Variants in KLF8 observed in about 807,000 individuals in gnomAD.
KLF8 encodes KLF transcription factor 8.
KLF8 carries 10 observed loss-of-function variants against 18.2 expected under a neutral mutation model. The observed-to-expected ratio is 0.55, with a 90% CI of 0.34 to 0.93. The LOEUF is 0.93. Ranked by LOEUF, KLF8 falls within the 40% of genes least tolerant of loss-of-function variation. KLF8 has a pLI of 0.02. For synonymous variants in KLF8, 109 were observed against 97.3 expected, an observed-to-expected ratio of 1.12 and a Z score of -0.71; for missense variants, 264 against 277.9, an observed-to-expected ratio of 0.95 and a Z score of 0.36.
chrX:56,156,926 C>T, the KLF8 span, among the ~76,000 whole-genome samples: 1 of 109,391 alleles, frequency 9.1e-6, no homozygotes, highest in Admixed American at 9.9e-5. Context: ...TATAAAGACA[C>T]ATGCTCATGT....
At chrX:55,938,667 G>C in the KLF8 span, among the ~76,000 whole-genome samples, 1 of 110,847 alleles carries the variant, frequency 9.0e-6, no homozygotes, top group Non-Finnish European at 1.9e-5. Context: ...TCAAAATAAA[G>C]GGATGGAGGA....
At chrX:56,274,502 G>T (rs2067096787) in intron 5 of KLF8, among the ~76,000 whole-genome samples, 1 of 111,626 alleles carries the variant, frequency 9.0e-6, no homozygotes. Flanking sequence ...CTGTGCAGAA[G>T]ATTTTTTTAA....
At chrX:56,208,148 A>C in the KLF8 span, among the ~76,000 whole-genome samples, 1 of 111,579 alleles carries the variant, frequency 9.0e-6, no homozygotes, top group Admixed American at 9.5e-5. Flanking sequence ...TACAATTCAA[A>C]GTGAGATTTG....
the KLF8 span, among the ~76,000 whole-genome samples, chrX:56,026,720 C>A: frequency 8.9e-6 from 1 of 111,874 alleles, no homozygotes; most frequent in Non-Finnish European, 1.9e-5. Context: ...CAATCCATAG[C>A]GGCAGTCCAA....
At chrX:56,072,573 G>A in the KLF8 span, among the ~76,000 whole-genome samples, 4 of 111,426 alleles carry the variant, frequency 3.6e-5, no homozygotes, top group Non-Finnish European at 5.7e-5. Context: ...ATATATTTAC[G>A]CTTTTATCTT....
At chrX:56,209,189 C>T in the KLF8 span, among the ~76,000 whole-genome samples, 1 of 111,464 alleles carries the variant, frequency 9.0e-6, no homozygotes, top group Non-Finnish European at 1.9e-5. Flanking sequence ...TGAATTGACC[C>T]CTTTATCATT....
the KLF8 span, among the ~76,000 whole-genome samples, chrX:56,002,175 G>C: frequency 8.9e-6 from 1 of 112,112 alleles, no homozygotes; most frequent in South Asian, 3.7e-4. Context: ...CCTCAAAGTA[G>C]TTGGATATTT....
At chrX:56,208,280 A>G in the KLF8 span, among the ~76,000 whole-genome samples, 4 of 112,012 alleles carry the variant, frequency 3.6e-5, no homozygotes, top group African/African-American at 9.7e-5. Context: ...ATTTGCTCAT[A>G]ATAGCCACTA....
chrX:56,269,029 T>A, intron 3 of KLF8: 1 of 879,952 alleles, frequency 1.1e-6, no homozygotes, highest in Non-Finnish European at 1.4e-6. Flanking sequence ...CACACACACG[T>A]TGAAACTAAC....
the KLF8 span, among the ~76,000 whole-genome samples, chrX:56,184,454 A>G: frequency 8.9e-6 from 1 of 112,603 alleles, no homozygotes; most frequent in Non-Finnish European, 1.9e-5. Context: ...AGGCACAGAC[A>G]AACAAAAAGA....
At position 56,290,206 on chromosome X, in the gene KLF8, A is replaced by G. The variant is rs1486564613; in HGVS notation, c.*5712A>G. ...AGTCATATCACCTCTCTGTGCCTCA[A>G]TTAATCCATTTGCAAAATGGGGATC... On this transcript the variant is annotated 3_prime_UTR_variant, in exon 6 of 6. Transcript: ENST00000468660. Among the ~76,000 whole-genome samples, 1 of 111,930 alleles carries G rather than the reference A, an allele frequency of 8.9e-6. No individual in the cohort carries two copies. Among genetic ancestry groups the G allele is most frequent in the Non-Finnish European group, 1.9e-5 (1 of 53,185 alleles).
At chrX:56,277,704 G>A (rs1256383758) in intron 5 of KLF8, among the ~76,000 whole-genome samples, 3 of 112,485 alleles carry the variant, frequency 2.7e-5, no homozygotes, top group Non-Finnish European at 5.6e-5. Flanking sequence ...TCACCTGTTG[G>A]TGAAGCAAGC....
At chrX:55,925,847 T>C in the KLF8 span, among the ~76,000 whole-genome samples, 1 of 112,238 alleles carries the variant, frequency 8.9e-6, no homozygotes, top group African/African-American at 3.2e-5. Flanking sequence ...AGGAAATATG[T>C]CTGCCTTTTA....
At chrX:56,085,607 G>A in the KLF8 span, among the ~76,000 whole-genome samples, 15 of 111,938 alleles carry the variant, frequency 1.3e-4, no homozygotes, top group South Asian at 7.4e-4. Flanking sequence ...TTCTAGAAAC[G>A]TACTTGTGGA....
the KLF8 span, among the ~76,000 whole-genome samples, chrX:56,134,894 C>T: frequency 2.3e-4 from 26 of 111,285 alleles, no homozygotes; most frequent in African/African-American, 5.9e-4. Flanking sequence ...TACAAATAGC[C>T]GGCAAACATA....
At chrX:55,987,730 TG>T in the KLF8 span, among the ~76,000 whole-genome samples, 2 of 112,268 alleles carry the variant, frequency 1.8e-5, no homozygotes, top group East Asian at 5.6e-4. Context: ...ATGGGATGGC[TG>T]GGTCAAATTG....
At chrX:56,031,355 T>C in the KLF8 span, among the ~76,000 whole-genome samples, 2 of 111,678 alleles carry the variant, frequency 1.8e-5, no homozygotes, top group Non-Finnish European at 3.8e-5. Context: ...TCAAGTCAAG[T>C]CAAAACCAGA....
chrX:56,011,689 T>A, the KLF8 span, among the ~76,000 whole-genome samples: 1 of 108,580 alleles, frequency 9.2e-6, no homozygotes, highest in Non-Finnish European at 1.9e-5. Context: ...CTTGAAAAAA[T>A]TTAAGAAATA....
the KLF8 span, among the ~76,000 whole-genome samples, chrX:55,924,181 T>C: frequency 9.0e-6 from 1 of 111,566 alleles, no homozygotes; most frequent in East Asian, 2.8e-4. Context: ...GCCATTCTCC[T>C]GCCTCAGCCT....
Sources: gnomAD v4.1 joint callset for allele counts (sites outside exome capture counted in the v4.1 genomes callset) on GRCh38, gnomAD v4.1.1 for gene constraint, MANE v1.5 for transcripts, NCBI Gene and HGNC (gene_info 2026-07-23, HGNC 2026-07-21) for gene names.